Variants in IL1RAPL1 observed in about 807,000 individuals in gnomAD.
IL1RAPL1 encodes the protein interleukin 1 receptor accessory protein like 1, also known as interleukin-1 receptor accessory protein-like 1.
Under a neutral mutation model 48.4 loss-of-function variants are expected in IL1RAPL1, and 3 were observed. The observed-to-expected ratio is 0.06, with a 90% CI of 0.03 to 0.16. The LOEUF (loss-of-function observed/expected upper bound fraction) is 0.16. Ranked by LOEUF, IL1RAPL1 falls within the 10% of genes least tolerant of loss-of-function variation. IL1RAPL1 has a pLI of 1.00. For missense variants in IL1RAPL1, 349 were observed against 530.6 expected (o/e 0.66, Z 3.36); for synonymous variants, 185 against 187.7 (o/e 0.99, Z 0.12).
intron 6 of IL1RAPL1, among the ~76,000 whole-genome samples, chrX:29,861,131 A>T (rs1931575090): frequency 8.9e-6 from 1 of 112,018 alleles, no homozygotes; most frequent in Non-Finnish European, 1.9e-5. Flanking sequence ...GAGTGCAAAA[A>T]ATGTATTCCT....
chrX:29,810,665 A>G (rs1181129042), intron 6 of IL1RAPL1, among the ~76,000 whole-genome samples: 1 of 111,216 alleles, frequency 9.0e-6, no homozygotes, highest in Non-Finnish European at 1.9e-5. Flanking sequence ...TTCTTATTCT[A>G]TCCTCCATAT....
chrX:29,013,906 C>T (rs912872136), intron 2 of IL1RAPL1, among the ~76,000 whole-genome samples: 1 of 111,420 alleles, frequency 9.0e-6, no homozygotes, highest in Non-Finnish European at 1.9e-5. Context: ...GCAGATTAGT[C>T]GAGAGAAAAG....
intron 1 of IL1RAPL1, among the ~76,000 whole-genome samples, chrX:28,772,885 A>T (rs1409179428): frequency 9.0e-6 from 1 of 111,317 alleles, no homozygotes; most frequent in Non-Finnish European, 1.9e-5. Context: ...TGTTATACTC[A>T]CTTGTGGAAA....
At chrX:29,238,945 C>T (rs1220506111) in intron 2 of IL1RAPL1, among the ~76,000 whole-genome samples, 1 of 111,964 alleles carries the variant, frequency 8.9e-6, no homozygotes, top group East Asian at 2.8e-4. Context: ...AATGGATAAT[C>T]ACCTCTTTTC....
chrX:29,274,556 A>G (rs1932089916), intron 2 of IL1RAPL1, among the ~76,000 whole-genome samples: 1 of 112,094 alleles, frequency 8.9e-6, no homozygotes, highest in African/African-American at 3.2e-5. Context: ...AAAATACACA[A>G]CAGACTTCAT....
rs773786842 is a variant in IL1RAPL1, at chrX:29,614,670, G to A, written c.704-53760G>A. 5.2e-4 allele frequency among the ~76,000 whole-genome samples: 58 copies of A among 111,926 alleles called. 1 individual carries two copies. In the Middle Eastern group the frequency reaches 0.018, roughly 36 times the overall value. On this transcript the variant is annotated intron_variant, in intron 5 of 10. Transcript: ENST00000378993. ...CTCCACACATCTAGGAAAGAAACAG[G>A]AAAATGCATTATTTCCTTTGAAAGC...
chrX:28,962,786 T>A (rs1470628516), intron 2 of IL1RAPL1, among the ~76,000 whole-genome samples: 2 of 110,448 alleles, frequency 1.8e-5, no homozygotes, highest in Non-Finnish European at 1.9e-5. Context: ...ACATTTTATT[T>A]AAGAAATTTG....
At chrX:29,359,977 C>G (rs1933355314) in intron 3 of IL1RAPL1, among the ~76,000 whole-genome samples, 1 of 111,075 alleles carries the variant, frequency 9.0e-6, no homozygotes, top group Non-Finnish European at 1.9e-5. Context: ...TATTCAAACC[C>G]AGATCTGTGG....
At chrX:29,338,915 C>T (rs1351538071) in intron 3 of IL1RAPL1, among the ~76,000 whole-genome samples, 5 of 110,672 alleles carry the variant, frequency 4.5e-5, no homozygotes, top group Admixed American at 1.9e-4. Context: ...TTTGATCACA[C>T]GCCCACGCTG....
At chrX:29,290,862 G>T (rs1465948776) in intron 3 of IL1RAPL1, among the ~76,000 whole-genome samples, 1 of 111,936 alleles carries the variant, frequency 8.9e-6, no homozygotes, top group Admixed American at 9.5e-5. Flanking sequence ...CTTGAGTCAT[G>T]CTTACTGATG....
chrX:28,653,646 G>C (rs1934714054), intron 1 of IL1RAPL1, among the ~76,000 whole-genome samples: 1 of 111,522 alleles, frequency 9.0e-6, no homozygotes. Flanking sequence ...TGCATGACTT[G>C]GGATTCAGAA....
intron 2 of IL1RAPL1, among the ~76,000 whole-genome samples, chrX:29,030,373 A>G (rs186823213): frequency 2.7e-5 from 3 of 111,564 alleles, no homozygotes; most frequent in African/African-American, 6.5e-5. Context: ...TTTTCATGTA[A>G]TGAACACAGT....
chrX:29,030,983 T>C (rs1926605632), intron 2 of IL1RAPL1, among the ~76,000 whole-genome samples: 1 of 111,797 alleles, frequency 8.9e-6, no homozygotes, highest in African/African-American at 3.2e-5. Flanking sequence ...TTTTAAAATG[T>C]GTTTAAAGCT....
At chrX:29,823,126 C>T (rs1426117847) in intron 6 of IL1RAPL1, among the ~76,000 whole-genome samples, 1 of 111,753 alleles carries the variant, frequency 8.9e-6, no homozygotes, top group Non-Finnish European at 1.9e-5. Flanking sequence ...TTGGGAGGCA[C>T]TGGAGGCTTT....
intron 6 of IL1RAPL1, among the ~76,000 whole-genome samples, chrX:29,672,628 C>T (rs1279589296): frequency 9.0e-6 from 1 of 111,662 alleles, no homozygotes; most frequent in East Asian, 2.8e-4. Flanking sequence ...TAGGACCTTC[C>T]TCCAGATTCT....
Position 28,948,976 on chromosome X carries a change from A to C in IL1RAPL1, c.82+159551A>C, listed in dbSNP as rs756568566. Among the ~76,000 whole-genome samples the C allele has an allele frequency of 7.2e-5, 8 of 111,392 alleles. No individual in the cohort carries two copies. In the East Asian group the frequency reaches 1.4e-3, roughly 20 times the overall value. On this transcript the variant is annotated intron_variant, in intron 2 of 10. Transcript: ENST00000378993. ...ATCTTGTTGTACATTCCCACGGGCA[A>C]CTGAAACCACGGAAAATGAAGCTGT...
chrX:29,638,982 C>G (rs900970032), intron 5 of IL1RAPL1, among the ~76,000 whole-genome samples: 2 of 110,944 alleles, frequency 1.8e-5, no homozygotes, highest in Non-Finnish European at 3.8e-5. Flanking sequence ...GTCAGGAGAT[C>G]GAGACCATCC....
At position 28,757,137 on chromosome X, in the gene IL1RAPL1, C is replaced by T. The variant is rs192351633; in HGVS notation, c.-24-32183C>T. Among the ~76,000 whole-genome samples the T allele has an allele frequency of 1.2e-4, 13 of 112,340 alleles. No individual in the cohort carries two copies. The East Asian group carries it at 3.6e-3, about 31-fold the overall frequency. On this transcript the variant is annotated intron_variant, in intron 1 of 10. Coordinates refer to ENST00000378993, the MANE Select transcript of IL1RAPL1 (RefSeq NM_014271.4). ...TTTATCCTTCAATTTCTTTACCTTG[C>T]AGTAGATGCAAAAAATTTGCAATAA...
chrX:29,483,780 C>T (rs1269461316), intron 5 of IL1RAPL1, among the ~76,000 whole-genome samples: 1 of 109,440 alleles, frequency 9.1e-6, no homozygotes, highest in Admixed American at 9.8e-5. Context: ...CAACCTCTAC[C>T]TCCTGGGCTC....
Sources: gnomAD v4.1 joint callset for allele counts (sites outside exome capture counted in the v4.1 genomes callset) on GRCh38, gnomAD v4.1.1 for gene constraint, MANE v1.5 for transcripts, NCBI Gene and HGNC (gene_info 2026-07-23, HGNC 2026-07-21) for gene names.